The following ERCC6L2 variants were observed in gnomAD, a reference collection of about 807,000 sequenced individuals.
ERCC6L2 encodes the protein ERCC excision repair 6 like 2, also known as DNA excision repair protein ERCC-6-like 2.
In ERCC6L2, 77 loss-of-function variants were observed where a neutral mutation model predicts 132.0. That is an observed-to-expected ratio of 0.58 (90% CI 0.49 to 0.71). The LOEUF (loss-of-function observed/expected upper bound fraction) is 0.71, where lower values mean the gene tolerates loss of function less well. ERCC6L2 is among the 30% of genes least tolerant of loss of function. The pLI is 0.00. For missense variants in ERCC6L2, 1,542 were observed against 1,837.6 expected (o/e 0.84, Z 2.94); for synonymous variants, 583 against 632.4 (o/e 0.92, Z 1.17).
chr9:95,953,662 G>T (rs888101374), intron 12 of ERCC6L2, among the ~76,000 whole-genome samples: 5 of 150,332 alleles, frequency 3.3e-5, no homozygotes, highest in Non-Finnish European at 7.4e-5. Context: ...TATTAAAAAA[G>T]AAAGGCCAAA....
At position 96,013,117 on chromosome 9, in the gene ERCC6L2, T is replaced by G; in HGVS notation, c.4567T>G (p.Trp1523Gly). The change falls in exon 19 of 19, where the codon TGG becomes GGG. Residue 1523 changes from tryptophan (W) to glycine (G), a missense_variant. Trp to Gly is a radical substitution (Grantham distance 184). Transcript: ENST00000653738. ...GAGAGAAGAGCCAGCAACTTCTCTT[T>G]GGAAATCAAATGAGAAATTTTTATG... ...KRREEPATSLWKSNEKFLWKK... is the reference protein window; with the variant it reads ...KRREEPATSLGKSNEKFLWKK... 7.3e-7 allele frequency: 1 copy of G among 1,367,422 alleles called. No homozygotes were observed. Among genetic ancestry groups the G allele is most frequent in the African/African-American group, 1.5e-5 (1 of 67,800 alleles). 84.7% of individuals were successfully genotyped at this position (1,367,422 alleles called of 1,614,324 possible).
intron 2 of ERCC6L2, among the ~76,000 whole-genome samples, chr9:95,884,003 G>A (rs770192954): frequency 7.9e-5 from 12 of 152,140 alleles, no homozygotes; most frequent in Admixed American, 3.3e-4. Context: ...TCATCTCTGA[G>A]GCCCATGTTA....
intron 19 of ERCC6L2, among the ~76,000 whole-genome samples, chr9:96,032,353 C>T (rs1212829351): frequency 2.6e-5 from 4 of 152,246 alleles, no homozygotes; most frequent in East Asian, 3.9e-4. Context: ...CCACCCTCAG[C>T]GCCTTCCTCC....
chr9:95,935,906 C>T (rs542298575), intron 11 of ERCC6L2, among the ~76,000 whole-genome samples: 3 of 152,178 alleles, frequency 2.0e-5, no homozygotes, highest in South Asian at 2.1e-4. Context: ...TACTATACTG[C>T]AAAAGTAAAA....
At position 95,972,294 on chromosome 9, in the gene ERCC6L2, A is replaced by T. The variant is rs1468101385; in HGVS notation, c.2543A>T (p.His848Leu). 3 of 1,297,054 alleles carry T rather than the reference A, an allele frequency of 2.3e-6. No homozygotes were observed. Among genetic ancestry groups the T allele is most frequent in the African/African-American group, 3.1e-5 (2 of 65,290 alleles). The allele number at this position is 1,297,054 out of a possible 1,614,324, so 80.3% of individuals were successfully genotyped here. The stretch of plus-strand genomic sequence containing the variant: ...CAGGACTCTCTTGGTACTTCAAAAC[A>T]TCAGAAATTAGATAACATCCTAAAT... ...KNQDSLGTSK[H>L]QKLDNILNPK... Residue 848 changes from histidine (H) to leucine (L), a missense_variant, in exon 16 of 19, where the codon CAT becomes CTT. Around this residue, in one of 4 missense-constraint regions of ERCC6L2, gnomAD observed 945 missense variants for 1,105.2 expected, o/e 0.86. Coordinates refer to ENST00000653738, the MANE Select transcript of ERCC6L2 (RefSeq NM_020207.7).
chr9:96,001,946 G>A (rs548692115), intron 17 of ERCC6L2, among the ~76,000 whole-genome samples: 10 of 152,364 alleles, frequency 6.6e-5, no homozygotes, highest in South Asian at 2.1e-4. Context: ...TACACCCTCC[G>A]CAGCCACTGG....
At chr9:95,906,766 C>G in intron 3 of ERCC6L2, 1 of 467,972 alleles carries the variant, frequency 2.1e-6, no homozygotes, top group Non-Finnish European at 4.2e-6. Flanking sequence ...AGATTTTATT[C>G]TTTTCTCTCT....
intron 17 of ERCC6L2, among the ~76,000 whole-genome samples, chr9:96,004,272 A>C (rs537823072): frequency 2.0e-5 from 3 of 152,326 alleles, no homozygotes; most frequent in Admixed American, 1.3e-4. Flanking sequence ...CAGTATGCCC[A>C]AGTCTTGACA....
intron 4 of ERCC6L2, among the ~76,000 whole-genome samples, chr9:95,913,233 A>G (rs1829424189): frequency 6.6e-6 from 1 of 152,080 alleles, no homozygotes; most frequent in African/African-American, 2.4e-5. Flanking sequence ...ATATTTTTCT[A>G]ATTTTATTAT....
intron 9 of ERCC6L2, among the ~76,000 whole-genome samples, chr9:95,926,536 A>G (rs1463456191): frequency 3.3e-5 from 5 of 152,206 alleles, no homozygotes; most frequent in African/African-American, 1.2e-4. Flanking sequence ...TGAAAAGGCT[A>G]CATACTGTAT....
intron 18 of ERCC6L2, among the ~76,000 whole-genome samples, chr9:96,005,552 C>T (rs78330003): frequency 0.015 from 2,325 of 151,712 alleles, 23 homozygotes; most frequent in Non-Finnish European, 0.024. Flanking sequence ...TGCAAAGAAC[C>T]GGAGTAGGAG....
intron 2 of ERCC6L2, among the ~76,000 whole-genome samples, chr9:95,886,890 GAAGA>G: frequency 6.6e-6 from 1 of 152,316 alleles, no homozygotes; most frequent in East Asian, 1.9e-4. Flanking sequence ...AGAAAAATGT[GAAGA>G]GAGAGACTGG....
intron 3 of ERCC6L2, among the ~76,000 whole-genome samples, chr9:95,898,550 A>G (rs1828586965): frequency 6.6e-6 from 1 of 152,172 alleles, no homozygotes; most frequent in Admixed American, 6.5e-5. Context: ...TCATAAACGT[A>G]TGTTTATAAA....
chr9:95,899,578 CTTTT>C (rs1230320893), intron 3 of ERCC6L2, among the ~76,000 whole-genome samples: 1 of 146,200 alleles, frequency 6.8e-6, no homozygotes, highest in Non-Finnish European at 1.5e-5. Flanking sequence ...TCCTTTCTTT[CTTTT>C]TTTCTCTTTA....
chr9:96,036,286 T>C (rs760458234), intron 19 of ERCC6L2, among the ~76,000 whole-genome samples: 5 of 152,210 alleles, frequency 3.3e-5, no homozygotes, highest in Non-Finnish European at 7.3e-5. Flanking sequence ...TAATTGGAAG[T>C]ACACAGAATT....
intron 12 of ERCC6L2, among the ~76,000 whole-genome samples, chr9:95,942,233 A>G (rs1830838088): frequency 6.6e-6 from 1 of 152,212 alleles, no homozygotes; most frequent in South Asian, 2.1e-4. Flanking sequence ...AAAAAGGGAA[A>G]TACACGTGTT....
chr9:95,889,953 A>C (rs560174655), intron 2 of ERCC6L2, among the ~76,000 whole-genome samples: 1 of 152,260 alleles, frequency 6.6e-6, no homozygotes, highest in East Asian at 1.9e-4. Context: ...TCTTTCTTTT[A>C]ATTTATGTTC....
intron 4 of ERCC6L2, among the ~76,000 whole-genome samples, chr9:95,915,251 C>G (rs1422594301): frequency 6.6e-6 from 1 of 152,072 alleles, no homozygotes; most frequent in East Asian, 1.9e-4. Context: ...TCTAAACTTT[C>G]TTAGTGGACA....
chr9:96,004,553 C>T lies in ERCC6L2; in HGVS notation c.3526C>T (p.Pro1176Ser), dbSNP rs923044686. The change falls in exon 18 of 19, where the codon CCA becomes TCA. Residue 1176 changes from proline to serine, a missense_variant. Physicochemically the swap from Pro to Ser is moderately conservative, Grantham distance 74 (BLOSUM62 -1). This residue lies in a region of ERCC6L2 where 442 missense variants were observed against 583.4 expected (regional missense o/e 0.76). Transcript: ENST00000653738. ...AGAAAAAGTGGATGCAGATACATTG[C>T]CACACACAAAGAAAGGCCAGCAACC... is the stretch of plus-strand genomic sequence containing the variant. ...YKEKVDADTL[P>S]HTKKGQQPSE... 4 of 1,307,886 alleles carry T rather than the reference C, an allele frequency of 3.1e-6. No individual in the cohort carries two copies. Among genetic ancestry groups the T allele is most frequent in the African/African-American group, 3.0e-5 (2 of 65,918 alleles). 81.0% of individuals were successfully genotyped at this position (1,307,886 alleles called of 1,614,324 possible). A position where few individuals can be genotyped will look rare whatever the true frequency, so the allele number is the denominator to read the frequency against.
Sources: allele counts gnomAD v4.1 joint callset (sites outside exome capture counted in the v4.1 genomes callset), GRCh38; gene constraint gnomAD v4.1.1; regional missense constraint gnomAD v4.1.1; transcripts MANE v1.5; gene names NCBI Gene and HGNC (gene_info 2026-07-23, HGNC 2026-07-21).